ADAM7: variants seen among roughly 807,000 people sequenced by gnomAD.
ADAM7 encodes the protein ADAM metallopeptidase domain 7, also known as disintegrin and metalloproteinase domain-containing protein 7.
Under a neutral mutation model 102.9 loss-of-function variants are expected in ADAM7, and 97 were observed. The ratio of observed to expected loss-of-function variants is 0.94; its 90% CI spans 0.80 to 1.12. The LOEUF is 1.12. Among genes scored for constraint, ADAM7 ranks in the 50% most tolerant of loss-of-function variants. The probability of loss-of-function intolerance (pLI) is 0.00; values close to 1 mark genes in which losing one functional copy is unlikely to be tolerated. For missense variants in ADAM7, 991 were observed against 908.7 expected (o/e 1.09, Z -1.16); for synonymous variants, 334 against 304.4 (o/e 1.10, Z -1.01).
chr8:24,452,379 G>C (rs1332106684), intron 3 of ADAM7, among the ~76,000 whole-genome samples: 1 of 147,738 alleles, frequency 6.8e-6, no homozygotes, highest in South Asian at 2.2e-4. Context: ...TCTTCTTGTT[G>C]AATTGATCCC....
chr8:24,497,441 G>A (rs1229916143), intron 16 of ADAM7, among the ~76,000 whole-genome samples: 3 of 152,034 alleles, frequency 2.0e-5, no homozygotes, highest in Non-Finnish European at 4.4e-5. Context: ...TACAAACCAT[G>A]ATTACTGGTT....
At position 24,457,863 on chromosome 8, in the gene ADAM7, AGTGT is replaced by A. The variant is rs58099346; in HGVS notation, c.234-5994_234-5991del. ...ATTTGTGTATGTGCATATGTGTGTG[AGTGT>A]GTGTGTGTGTGTGTGTGTGTGTGTA... On this transcript the variant is annotated intron_variant, in intron 3 of 21. Transcript: ENST00000175238. 1.1e-3 allele frequency among the ~76,000 whole-genome samples: 162 copies of A among 147,974 alleles called. 2 individuals are homozygous for A. The highest frequency in any genetic ancestry group is 1.0e-3 in the Non-Finnish European group (70 of 66,800).
intron 3 of ADAM7, among the ~76,000 whole-genome samples, chr8:24,453,941 C>T (rs577411312): frequency 3.3e-5 from 5 of 152,210 alleles, no homozygotes; most frequent in East Asian, 1.9e-4. Flanking sequence ...CCTGGGTATC[C>T]GCAGCAGTGG....
rs1820868570 is a variant in ADAM7, at chr8:24,504,171, CAGGCTGAGTAATATGTCA to C, written c.2208+2598_2208+2615del. Among the ~76,000 whole-genome samples the C allele has an allele frequency of 2.0e-5, 3 of 151,842 alleles. No homozygotes were observed. In the South Asian group the frequency reaches 6.3e-4, roughly 32 times the overall value. On this transcript the variant is annotated intron_variant, in intron 20 of 21. Coordinates refer to ENST00000175238, the MANE Select transcript of ADAM7 (RefSeq NM_003817.4). ...TAATTTGAGGCCAGGAGTTCTAGAC[CAGGCTGAGTAATATGTCA>C]AGCCTTTGTCTATATAAAAAAAGAA...
chr8:24,462,644 C>G (rs1819284235), intron 3 of ADAM7, among the ~76,000 whole-genome samples: 1 of 152,084 alleles, frequency 6.6e-6, no homozygotes, highest in Non-Finnish European at 1.5e-5. Context: ...TTATCCAGAA[C>G]TAAATATTTA....
At position 24,493,378 on chromosome 8, in the gene ADAM7, A is replaced by G; in HGVS notation, c.1842+149A>G. On this transcript the variant is annotated intron_variant, in intron 16 of 21. Coordinates refer to ENST00000175238, the MANE Select transcript of ADAM7 (RefSeq NM_003817.4). ...TTTTTTAATGAGGAGCAGAGTAGCA[A>G]TAACACTGTAATAAACATCCATTTT... 7.5e-6 allele frequency: 5 copies of G among 662,682 alleles called. No homozygotes were observed. The South Asian group carries it at 1.6e-4, about 21-fold the overall frequency. 41.1% of individuals were successfully genotyped at this position (662,682 alleles called of 1,614,324 possible).
chr8:24,476,010 T>C (rs1440699956), intron 7 of ADAM7: 4 of 454,994 alleles, frequency 8.8e-6, no homozygotes, highest in Non-Finnish European at 1.8e-5. Flanking sequence ...ATATTCCTTA[T>C]TTTGTGAACA....
intron 16 of ADAM7, among the ~76,000 whole-genome samples, chr8:24,493,621 T>C (rs1018123251): frequency 6.6e-6 from 1 of 152,200 alleles, no homozygotes; most frequent in African/African-American, 2.4e-5. Flanking sequence ...AAGGTAAGCA[T>C]ACATGAGAAT....
At chr8:24,462,745 TA>T (rs1204850034) in intron 3 of ADAM7, among the ~76,000 whole-genome samples, 2 of 152,250 alleles carry the variant, frequency 1.3e-5, no homozygotes, top group African/African-American at 4.8e-5. Flanking sequence ...GTTCACCATT[TA>T]TTTTTTTGAC....
chr8:24,495,847 T>A (rs1335400719), intron 16 of ADAM7, among the ~76,000 whole-genome samples: 1 of 152,134 alleles, frequency 6.6e-6, no homozygotes, highest in Non-Finnish European at 1.5e-5. Flanking sequence ...GTTCAAAAAA[T>A]TTGCAGCCTG....
At chr8:24,466,641 G>T (rs1819434605) in intron 5 of ADAM7, among the ~76,000 whole-genome samples, 158 bp from the exon 6 acceptor site, 1 of 152,156 alleles carries the variant, frequency 6.6e-6, no homozygotes, top group African/African-American at 2.4e-5. Flanking sequence ...TCAGTCAAAG[G>T]CCTCATATCA....
At chr8:24,490,697 ATT>A in intron 12 of ADAM7, 100 bp from the exon 13 acceptor site, 1 of 1,144,540 alleles carries the variant, frequency 8.7e-7, no homozygotes, top group Non-Finnish European at 1.3e-6. Context: ...ATGCATCACT[ATT>A]TAACTCTATC....
rs10110373 is a variant in ADAM7, at chr8:24,483,724, G to A, written c.875+1413G>A. Among the ~76,000 whole-genome samples the A allele has an allele frequency of 5.8e-3, 876 of 152,202 alleles. 11 individuals are homozygous for A. The highest frequency in any genetic ancestry group is 0.02 in the African/African-American group (826 of 41,524). On this transcript the variant is annotated intron_variant, in intron 9 of 21. Transcript: ENST00000175238. Reference sequence around the variant, plus strand: ...CCCAAAATCATGGGGAATGGAGCGTGGTAAAACATCGCCATAAACTTCAGA... The same window carrying A: ...CCCAAAATCATGGGGAATGGAGCGTAGTAAAACATCGCCATAAACTTCAGA...
intron 3 of ADAM7, among the ~76,000 whole-genome samples, chr8:24,450,262 T>G (rs1042362210): frequency 1.5e-4 from 23 of 152,342 alleles, no homozygotes; most frequent in Non-Finnish European, 3.2e-4. Context: ...TTTCACGATA[T>G]TGATTCTTCC....
chr8:24,449,143 T>C (rs1318384273), intron 3 of ADAM7, among the ~76,000 whole-genome samples: 20 of 152,178 alleles, frequency 1.3e-4, no homozygotes, highest in Non-Finnish European at 2.9e-4. Flanking sequence ...AGCAGCATGA[T>C]TTATAGTCCT....
At chr8:24,459,669 A>G (rs1017890365) in intron 3 of ADAM7, among the ~76,000 whole-genome samples, 1 of 152,074 alleles carries the variant, frequency 6.6e-6, no homozygotes, top group African/African-American at 2.4e-5. Context: ...CTTGTTGCCC[A>G]GGCTGGCCTC....
chr8:24,465,812 T>G, intron 5 of ADAM7, 37 bp downstream of exon 5: 1 of 1,473,028 alleles, frequency 6.8e-7, no homozygotes, highest in Non-Finnish European at 9.2e-7. Flanking sequence ...TTTATGAGTT[T>G]TCCTATGGAT....
intron 3 of ADAM7, among the ~76,000 whole-genome samples, chr8:24,448,807 C>T (rs957311687): frequency 7.2e-5 from 11 of 152,012 alleles, no homozygotes; most frequent in Non-Finnish European, 1.3e-4. Flanking sequence ...TATCCCTCCC[C>T]CAACCCCACA....
intron 6 of ADAM7, chr8:24,467,196 G>T: frequency 3.3e-6 from 2 of 599,310 alleles, no homozygotes; most frequent in South Asian, 4.3e-5. Context: ...TTCAAGAAAG[G>T]ATGATTCTAC....
Sources: allele counts gnomAD v4.1 joint callset (sites outside exome capture counted in the v4.1 genomes callset), GRCh38; gene constraint gnomAD v4.1.1; transcripts MANE v1.5; gene names NCBI Gene and HGNC (gene_info 2026-07-23, HGNC 2026-07-21).